Variants in ATP6V1C2 observed in about 807,000 individuals in gnomAD.
ATP6V1C2 encodes the protein ATPase H+ transporting V1 subunit C2, also known as V-type proton ATPase subunit C 2.
In ATP6V1C2, 45 loss-of-function variants were observed where a neutral mutation model predicts 56.8. The observed-to-expected ratio is 0.79, with a 90% CI of 0.62 to 1.02. The LOEUF (loss-of-function observed/expected upper bound fraction) is 1.02, where lower values mean the gene tolerates loss of function less well. Ranked by LOEUF, ATP6V1C2 falls within the 50% of genes least tolerant of loss-of-function variation. The pLI is 0.00. For synonymous variants in ATP6V1C2, 220 were observed against 201.3 expected (o/e 1.09, Z -0.79); for missense variants, 463 against 519.7 (o/e 0.89, Z 1.06).
At chr2:10,769,769 G>A (rs906396381) in intron 6 of ATP6V1C2, among the ~76,000 whole-genome samples, 7 of 152,108 alleles carry the variant, frequency 4.6e-5, no homozygotes, top group African/African-American at 1.4e-4. Context: ...TGGAGAGGCT[G>A]CTCCTGAACA....
chr2:10,768,967 G>A (rs552444601), intron 6 of ATP6V1C2, among the ~76,000 whole-genome samples, 157 bp downstream of exon 6: 51 of 152,194 alleles, frequency 3.4e-4, no homozygotes, highest in Non-Finnish European at 6.6e-4. Context: ...CAAGAGCCGC[G>A]TGCTGGGAGA....
At position 10,726,499 on chromosome 2, in the gene ATP6V1C2, T is replaced by G. The variant is rs1482082987; in HGVS notation, c.130-3T>G. 1 of 1,613,624 alleles carries G rather than the reference T, an allele frequency of 6.2e-7. No homozygotes were observed. Among genetic ancestry groups the G allele is most frequent in the Admixed American group, 1.7e-5 (1 of 60,016 alleles). ...GCCTCTGACGTTTTTATGATCTGTC[T>G]AGGTGGGGACCTTGGATTCCCTGGT... is the stretch of plus-strand genomic sequence containing the variant. On this transcript the variant is annotated splice_polypyrimidine_tract_variant and splice_region_variant and intron_variant, in intron 2 of 13. Transcript: ENST00000272238.
At chr2:10,769,478 C>T (rs767889379) in intron 6 of ATP6V1C2, among the ~76,000 whole-genome samples, 9 of 151,792 alleles carry the variant, frequency 5.9e-5, no homozygotes, top group African/African-American at 1.2e-4. Flanking sequence ...CTGAGGCGGG[C>T]GGATTACGTG....
intron 3 of ATP6V1C2, among the ~76,000 whole-genome samples, chr2:10,740,459 TC>T (rs1662486677): frequency 6.6e-6 from 1 of 152,108 alleles, no homozygotes; most frequent in Admixed American, 6.5e-5. Context: ...GGAACTCTGC[TC>T]CGAGAGCATG....
chr2:10,743,033 T>G (rs1326545351), intron 3 of ATP6V1C2, among the ~76,000 whole-genome samples: 1 of 152,222 alleles, frequency 6.6e-6, no homozygotes, highest in Non-Finnish European at 1.5e-5. Context: ...CAGATGACTA[T>G]CGAGGTAAGG....
At chr2:10,745,084 G>A (rs1484321545) in intron 3 of ATP6V1C2, among the ~76,000 whole-genome samples, 2 of 90,320 alleles carry the variant, frequency 2.2e-5, no homozygotes, top group African/African-American at 4.1e-5. Flanking sequence ...CATTCCTGTT[G>A]CCCAGGCTGG....
chr2:10,730,230 T>C (rs12479124), intron 3 of ATP6V1C2, among the ~76,000 whole-genome samples: 113,808 of 152,062 alleles, frequency 0.75, 42,776 homozygotes, highest in Non-Finnish European at 0.79. Context: ...ATTCTCCTGC[T>C]TCAGTCTTCC....
At chr2:10,736,768 G>GGTATTTTC (rs1176670268) in intron 3 of ATP6V1C2, among the ~76,000 whole-genome samples, 1 of 142,372 alleles carries the variant, frequency 7.0e-6, no homozygotes, top group Non-Finnish European at 1.5e-5. Flanking sequence ...TTTGATATGT[G>GGTATTTTC]GTATTTTCAT....
At chr2:10,726,440 T>G in intron 2 of ATP6V1C2, 62 bp from the exon 3 acceptor site, 174 of 1,293,568 alleles carry the variant, frequency 1.3e-4, no homozygotes, top group Non-Finnish European at 1.8e-4. Context: ...GCCGTGTTGT[T>G]GAGATGGCAT....
intron 3 of ATP6V1C2, among the ~76,000 whole-genome samples, chr2:10,737,759 T>TCTCGG (rs1229560751): frequency 2.0e-5 from 3 of 152,308 alleles, no homozygotes; most frequent in Non-Finnish European, 4.4e-5. Context: ...GCGCAATCTC[T>TCTCGG]CTCGGCTCAC....
At chr2:10,769,099 G>GC (rs1664418993) in intron 6 of ATP6V1C2, among the ~76,000 whole-genome samples, 1 of 152,230 alleles carries the variant, frequency 6.6e-6, no homozygotes, top group Non-Finnish European at 1.5e-5. Context: ...CCTGGGTGCT[G>GC]CCCCCAGTCC....
chr2:10,737,921 T>C (rs1168730031), intron 3 of ATP6V1C2, among the ~76,000 whole-genome samples: 1 of 152,170 alleles, frequency 6.6e-6, no homozygotes, highest in East Asian at 1.9e-4. Flanking sequence ...CTCGAACTCC[T>C]GACCTCAAGT....
intron 2 of ATP6V1C2, among the ~76,000 whole-genome samples, chr2:10,724,918 A>C (rs1293992016): frequency 2.6e-5 from 4 of 151,682 alleles, no homozygotes; most frequent in African/African-American, 9.7e-5. Flanking sequence ...CAAAGTGTTG[A>C]GATTACAGGT....
chr2:10,784,123 T>C lies in ATP6V1C2; in HGVS notation c.*860T>C. 5.7e-6 allele frequency: 3 copies of C among 522,500 alleles called. No individual in the cohort carries two copies. The highest frequency in any genetic ancestry group is 7.3e-5 in the South Asian group (2 of 27,432). The allele number at this position is 522,500 out of a possible 1,614,324, so 32.4% of individuals were successfully genotyped here. A position where few individuals can be genotyped will look rare whatever the true frequency, so the allele number is the denominator to read the frequency against. ...AGTTCACTGTTGCAGTGTTTTCAAA[T>C]GACCAATCAAGTACTACTTCTTGGT... On this transcript the variant is annotated 3_prime_UTR_variant, in exon 14 of 14. Transcript: ENST00000272238.
intron 6 of ATP6V1C2, among the ~76,000 whole-genome samples, chr2:10,771,178 C>T (rs924231346): frequency 6.6e-5 from 10 of 152,208 alleles, no homozygotes; most frequent in East Asian, 1.9e-4. Flanking sequence ...CATGGCTCAA[C>T]GCTGGAGAGC....
At chr2:10,724,029 T>A (rs1661506356) in intron 2 of ATP6V1C2, among the ~76,000 whole-genome samples, 1 of 151,884 alleles carries the variant, frequency 6.6e-6, no homozygotes, top group African/African-American at 2.4e-5. Flanking sequence ...CCCAAAGTGC[T>A]GGGATTACAG....
intron 5 of ATP6V1C2, among the ~76,000 whole-genome samples, chr2:10,766,359 C>T (rs747897463): frequency 6.6e-6 from 1 of 152,206 alleles, no homozygotes; most frequent in Non-Finnish European, 1.5e-5. Flanking sequence ...GGAGACTCCT[C>T]TATCATCTCA....
chr2:10,745,739 G>T (rs1273916145), intron 3 of ATP6V1C2, among the ~76,000 whole-genome samples: 4 of 152,108 alleles, frequency 2.6e-5, no homozygotes, highest in Non-Finnish European at 5.9e-5. Context: ...CCATTTTGAA[G>T]AACTGAAACT....
intron 3 of ATP6V1C2, among the ~76,000 whole-genome samples, chr2:10,740,548 G>A (rs1293488148): frequency 6.6e-6 from 1 of 152,164 alleles, no homozygotes; most frequent in Non-Finnish European, 1.5e-5. Flanking sequence ...ACTTCAATGT[G>A]TGATGTTTCT....
Sources: gnomAD v4.1 joint callset for allele counts (sites outside exome capture counted in the v4.1 genomes callset) on GRCh38, gnomAD v4.1.1 for gene constraint, MANE v1.5 for transcripts, NCBI Gene and HGNC (gene_info 2026-07-23, HGNC 2026-07-21) for gene names.